The following GRM4 variants were observed in gnomAD, a reference collection of about 807,000 sequenced individuals.
The protein encoded by GRM4 is glutamate metabotropic receptor 4, also known as metabotropic glutamate receptor 4.
In GRM4, 28 loss-of-function variants were observed where a neutral mutation model predicts 81.7. The observed-to-expected ratio is 0.34, with a 90% confidence interval of 0.25 to 0.47. GRM4 has a LOEUF of 0.47. Among genes scored for constraint, GRM4 ranks in the 20% least tolerant of loss-of-function variants. The pLI, the probability that GRM4 is intolerant of heterozygous loss-of-function variation, is 1.00. For synonymous variants in GRM4, 488 were observed against 528.8 expected, an observed-to-expected ratio of 0.92 and a Z score of 1.06; for missense variants, 948 against 1,290.0, an observed-to-expected ratio of 0.73 and a Z score of 4.06.
intron 6 of GRM4, chr6:34,055,804 C>T (rs979718096): frequency 1.3e-5 from 2 of 152,232 alleles, no homozygotes; most frequent in African/African-American, 4.8e-5. Context: ...TCCCTCTACT[C>T]ACCTCCTCTA....
chr6:34,155,463 G>A (rs1581749645), exon 1 of GRM4: 2 of 905,466 alleles, frequency 2.2e-6, no homozygotes, highest in East Asian at 2.8e-5. Flanking sequence ...ACGCACATTG[G>A]AGTTACCTAG....
chr6:34,039,047 C>T (rs981143466), intron 8 of GRM4, among the ~76,000 whole-genome samples: 3 of 152,184 alleles, frequency 2.0e-5, no homozygotes, highest in Admixed American at 2.0e-4. Flanking sequence ...CAAAACAAAA[C>T]GGGCACATCG....
intron 2 of GRM4, among the ~76,000 whole-genome samples, chr6:34,109,945 G>C (rs530569813): frequency 2.6e-4 from 39 of 152,072 alleles, no homozygotes; most frequent in African/African-American, 8.9e-4. Context: ...CCCCCCAGCA[G>C]CCTGCTGCCC....
At chr6:34,099,665 G>A (rs1373662011) in intron 2 of GRM4, among the ~76,000 whole-genome samples, 1 of 152,140 alleles carries the variant, frequency 6.6e-6, no homozygotes, top group East Asian at 1.9e-4. Context: ...CAGACAGCTT[G>A]GGACAGCCCC....
At chr6:34,147,406 A>G (rs1770959697), upstream of GRM4, among the ~76,000 whole-genome samples, 1 of 152,198 alleles carries the variant, frequency 6.6e-6, no homozygotes, top group South Asian at 2.1e-4. Flanking sequence ...CCAAGTGTGC[A>G]CTGCTCTGGG....
upstream of GRM4, among the ~76,000 whole-genome samples, chr6:34,148,692 C>A (rs77146408): frequency 0.012 from 1,880 of 152,236 alleles, 11 homozygotes; most frequent in Non-Finnish European, 0.02. Flanking sequence ...ACCAGGAAGC[C>A]GAGACTTCTG....
Position 34,035,722 on chromosome 6 carries a change from G to A in GRM4, c.2388C>T (p.Ile796=), listed in dbSNP as rs61744315. ...AGATGGGGATGAAGGCCAGCCAGAC[G>A]ATGCAAGTGGTGTACATGGTGAAGC... ...PIGFTMYTTC[I]VWLAFIPIFF... Residue 796 remains isoleucine (I), a synonymous_variant, in exon 9 of 11, where the codon ATC becomes ATT. Transcript: ENST00000538487. The surrounding 1 kb of genome is among the most constrained non-coding windows in gnomAD (Gnocchi z 6.6). 192 of 1,595,548 alleles carry A rather than the reference G, an allele frequency of 1.2e-4. No homozygotes were observed. The African/African-American group carries it at 2.1e-3, about 18-fold the overall frequency.
Position 34,089,971 on chromosome 6 carries a change from A to T in GRM4, c.736+1912T>A, listed in dbSNP as rs901747606. ...AGACAAGAGTACAGAAACAGATGAG[A>T]CCTCTAGTTCCGGAGCCAGCCATCC... On this transcript the variant is annotated intron_variant, in intron 3 of 10. Coordinates refer to ENST00000538487, the MANE Select transcript of GRM4 (RefSeq NM_000841.4). This position sits in a 1 kb window ranked among gnomAD's most constrained non-coding sequence, Gnocchi z 4.3. Among the ~76,000 whole-genome samples the T allele has an allele frequency of 1.3e-5, 2 of 152,050 alleles. No individual in the cohort carries two copies. Among genetic ancestry groups the T allele is most frequent in the Non-Finnish European group, 1.5e-5 (1 of 68,012 alleles).
At chr6:34,135,331 C>G (rs188398786) in intron 1 of GRM4, among the ~76,000 whole-genome samples, 94 of 152,324 alleles carry the variant, frequency 6.2e-4, no homozygotes, top group African/African-American at 2.2e-3. Flanking sequence ...TCACATTTCA[C>G]CCCTTCCTCA....
chr6:34,128,379 C>CTT (rs547672333), intron 2 of GRM4, among the ~76,000 whole-genome samples: 26 of 132,760 alleles, frequency 2.0e-4, no homozygotes, highest in African/African-American at 2.6e-4. Context: ...TTTTTCTTTT[C>CTT]TTTTTTTTTT....
chr6:34,133,970 C>T lies in GRM4; in HGVS notation c.-363-111G>A, dbSNP rs1770354255. On this transcript the variant is annotated intron_variant, in intron 1 of 10. Coordinates refer to ENST00000538487, the MANE Select transcript of GRM4 (RefSeq NM_000841.4). The surrounding 1 kb of genome is among the most constrained non-coding windows in gnomAD (Gnocchi z 6.5). Reference sequence around the variant, plus strand: ...AGAAGGAGATGCTAGAGGTTATCGCCGAAGATTCCATAAATCTCCTGAACT... The same window carrying T: ...AGAAGGAGATGCTAGAGGTTATCGCTGAAGATTCCATAAATCTCCTGAACT... 1 of 373,302 alleles carries T rather than the reference C, an allele frequency of 2.7e-6. No homozygotes were observed. The highest frequency in any genetic ancestry group is 3.7e-6 in the Non-Finnish European group (1 of 269,900). 23.1% of individuals were successfully genotyped at this position (373,302 alleles called of 1,614,324 possible).
intron 2 of GRM4, chr6:34,102,114 G>C (rs1168980862): frequency 1.3e-6 from 2 of 1,535,510 alleles, no homozygotes; most frequent in South Asian, 2.4e-5. Context: ...GGAAGAGTTT[G>C]CACCATCTTG....
intron 1 of GRM4, among the ~76,000 whole-genome samples, chr6:34,134,843 G>C (rs577802354): frequency 6.6e-6 from 1 of 152,332 alleles, no homozygotes; most frequent in East Asian, 1.9e-4. Flanking sequence ...ATCTGCAAGA[G>C]TAGAGAAGAG....
intron 2 of GRM4, among the ~76,000 whole-genome samples, chr6:34,122,878 C>T (rs558143637): frequency 1.2e-4 from 19 of 152,302 alleles, no homozygotes; most frequent in South Asian, 2.1e-4. Context: ...CCCCACATTC[C>T]CTGGGAAGGT....
At chr6:34,103,945 A>C in intron 2 of GRM4, 7 of 971,602 alleles carry the variant, frequency 7.2e-6, no homozygotes, top group Non-Finnish European at 9.5e-6. Context: ...CACCTCTCTC[A>C]CACACAGGAG....
At position 34,022,986 on chromosome 6, in the gene GRM4, C is replaced by A; in HGVS notation, c.2690-116G>T. The A allele has an allele frequency of 7.3e-6, 6 of 825,184 alleles. No individual in the cohort carries two copies. The highest frequency in any genetic ancestry group is 1.3e-5 in the Non-Finnish European group (6 of 478,682). The allele number at this position is 825,184 out of a possible 1,614,324, so 51.1% of individuals were successfully genotyped here. A position where few individuals can be genotyped will look rare whatever the true frequency, so the allele number is the denominator to read the frequency against. ...TACCATAGCTCCCCGCCTCTCATGG[C>A]ATCCAGTCCTGAGCTGAGCAATCGA... On this transcript the variant is annotated intron_variant, in intron 10 of 10. Coordinates refer to ENST00000538487, the MANE Select transcript of GRM4 (RefSeq NM_000841.4). This position sits in a 1 kb window ranked among gnomAD's most constrained non-coding sequence, Gnocchi z 5.6.
chr6:34,069,196 AC>A lies in GRM4; in HGVS notation c.737-7169del, dbSNP rs1766659057. On this transcript the variant is annotated intron_variant, in intron 3 of 10. Coordinates refer to ENST00000538487, the MANE Select transcript of GRM4 (RefSeq NM_000841.4). The surrounding 1 kb of genome is among the most constrained non-coding windows in gnomAD (Gnocchi z 6.4). ...CACACACACACACACACACACACAC[AC>A]ACACACACGCACGCACACACGGCTC... Among the ~76,000 whole-genome samples the A allele has an allele frequency of 6.9e-6, 1 of 144,654 alleles. No individual in the cohort carries two copies. The highest frequency in any genetic ancestry group is 2.8e-5 in the African/African-American group (1 of 35,582). The allele number at this position is 144,654 out of a possible 152,430, so 94.9% of individuals were successfully genotyped here.
At chr6:34,095,889 A>G (rs555848429) in intron 2 of GRM4, among the ~76,000 whole-genome samples, 47 of 152,322 alleles carry the variant, frequency 3.1e-4, no homozygotes, top group African/African-American at 1.1e-3. Context: ...TCTGCGTCTA[A>G]GCAGGTGACT....
chr6:34,083,242 C>T lies in GRM4; in HGVS notation c.736+8641G>A, dbSNP rs569183508. Among the ~76,000 whole-genome samples, 4 of 152,286 alleles carry T rather than the reference C, an allele frequency of 2.6e-5. No individual in the cohort carries two copies. The South Asian group carries it at 6.2e-4, about 24-fold the overall frequency. On this transcript the variant is annotated intron_variant, in intron 3 of 10. Coordinates refer to ENST00000538487, the MANE Select transcript of GRM4 (RefSeq NM_000841.4). ...ACTGAAAGAAAAGCAGCAGGCCCGG[C>T]GACACCAACCTGGGGACTTACAAAA... is the stretch of plus-strand genomic sequence containing the variant.
Sources: gnomAD v4.1 joint callset for allele counts (sites outside exome capture counted in the v4.1 genomes callset) on GRCh38, gnomAD v4.1.1 for gene constraint, Gnocchi (gnomAD v3.1) non-coding constraint, MANE v1.5 for transcripts, NCBI Gene and HGNC (gene_info 2026-07-23, HGNC 2026-07-21) for gene names.